The following HHAT variants were observed in gnomAD, a reference collection of about 807,000 sequenced individuals.
HHAT encodes hedgehog acyltransferase.
Under a neutral mutation model 70.8 loss-of-function variants are expected in HHAT, and 47 were observed. The ratio of observed to expected loss-of-function variants is 0.66; its 90% CI spans 0.53 to 0.85. The LOEUF (loss-of-function observed/expected upper bound fraction) is 0.85. Ranked by LOEUF, HHAT falls within the 40% of genes least tolerant of loss-of-function variation. The probability of loss-of-function intolerance (pLI) is 0.00; values close to 1 mark genes in which losing one functional copy is unlikely to be tolerated. For missense variants in HHAT, 609 were observed against 604.8 expected (o/e 1.01, Z -0.07); for synonymous variants, 228 against 247.6 (o/e 0.92, Z 0.74).
intron 7 of HHAT, among the ~76,000 whole-genome samples, chr1:210,418,968 G>A (rs1336654982): frequency 5.3e-5 from 8 of 152,148 alleles, no homozygotes. Context: ...GGGAGGCGGA[G>A]GTTGCAGTAA....
chr1:210,615,427 T>G (rs1258426430), intron 10 of HHAT, among the ~76,000 whole-genome samples: 1 of 152,236 alleles, frequency 6.6e-6, no homozygotes, highest in Non-Finnish European at 1.5e-5. Flanking sequence ...TGAAGCCTTC[T>G]TCTCTCAACT....
chr1:210,648,471 G>C (rs375982769), intron 11 of HHAT, among the ~76,000 whole-genome samples: 25 of 152,326 alleles, frequency 1.6e-4, no homozygotes, highest in Admixed American at 5.9e-4. Context: ...CAGTGATGGA[G>C]ACAAGGTTCT....
chr1:210,430,902 A>C (rs901633194), intron 7 of HHAT, among the ~76,000 whole-genome samples: 1 of 151,664 alleles, frequency 6.6e-6, no homozygotes, highest in African/African-American at 2.4e-5. Context: ...TTCCTTGCAT[A>C]TTCTTTCAAG....
chr1:210,447,144 T>C (rs892675685), intron 7 of HHAT, among the ~76,000 whole-genome samples: 22 of 152,280 alleles, frequency 1.4e-4, no homozygotes, highest in African/African-American at 4.6e-4. Flanking sequence ...TTCTGTGACG[T>C]TGGGAAAACC....
At chr1:210,613,359 T>G (rs1057132934) in intron 10 of HHAT, among the ~76,000 whole-genome samples, 2 of 152,222 alleles carry the variant, frequency 1.3e-5, no homozygotes, top group African/African-American at 4.8e-5. Context: ...TTGGAAAGAC[T>G]GTTCTTTCCT....
intron 1 of HHAT, among the ~76,000 whole-genome samples, chr1:210,336,694 G>A (rs1367151042): frequency 6.6e-6 from 1 of 152,136 alleles, no homozygotes; most frequent in African/African-American, 2.4e-5. Flanking sequence ...TAAGGCAGGA[G>A]GATCTCTTGA....
rs759726893 is a variant in HHAT, at chr1:210,404,683, G to C, written c.684+4G>C. Reference sequence around the variant, plus strand: ...CTTCTCGGAGTTCATCAAACAGGTAGAGCCCGCTGGGGATGGGATTGGGAT... The same window carrying C: ...CTTCTCGGAGTTCATCAAACAGGTACAGCCCGCTGGGGATGGGATTGGGAT... On this transcript the variant is annotated splice_donor_region_variant and intron_variant, in intron 6 of 11. Coordinates refer to ENST00000261458, the MANE Select transcript of HHAT (RefSeq NM_018194.6). 1.4e-5 allele frequency: 22 copies of C among 1,608,964 alleles called. No homozygotes were observed. In the East Asian group the frequency reaches 3.8e-4, roughly 28 times the overall value.
At chr1:210,665,048 C>T (rs1374687326) in intron 11 of HHAT, among the ~76,000 whole-genome samples, 1 of 152,156 alleles carries the variant, frequency 6.6e-6, no homozygotes, top group Non-Finnish European at 1.5e-5. Context: ...CTGAGCCAGC[C>T]CATTAGTAAA....
At chr1:210,660,523 C>T (rs1173636159) in intron 11 of HHAT, among the ~76,000 whole-genome samples, 1 of 152,182 alleles carries the variant, frequency 6.6e-6, no homozygotes, top group Non-Finnish European at 1.5e-5. Flanking sequence ...CCATCCCCAT[C>T]AAGGTACCAA....
chr1:210,330,814 A>G (rs2084920322), intron 1 of HHAT, among the ~76,000 whole-genome samples: 1 of 152,104 alleles, frequency 6.6e-6, no homozygotes, highest in Admixed American at 6.5e-5. Flanking sequence ...AGCACGTTAC[A>G]TTTATTTTAT....
At position 210,366,779 on chromosome 1, in the gene HHAT, A is replaced by G. The variant is rs59616025; in HGVS notation, c.159+3860A>G. Among the ~76,000 whole-genome samples, 278 of 152,302 alleles carry G rather than the reference A, an allele frequency of 1.8e-3. 5 individuals carry two copies. The South Asian group carries it at 0.049, about 27-fold the overall frequency. On this transcript the variant is annotated intron_variant, in intron 3 of 11. Transcript: ENST00000261458. ...ACTCCCTTGGTCATGCCGATTTGCC[A>G]TTCTTACCTTTACTCATCCTGTTCC...
intron 7 of HHAT, among the ~76,000 whole-genome samples, chr1:210,449,278 C>CT (rs5780578): frequency 0.35 from 51,829 of 146,898 alleles, 9,318 homozygotes; most frequent in East Asian, 0.43. Flanking sequence ...TCATCCTCTA[C>CT]TTTTTTTTTT....
intron 7 of HHAT, among the ~76,000 whole-genome samples, chr1:210,452,555 G>A (rs975416184): frequency 1.3e-5 from 2 of 152,138 alleles, no homozygotes; most frequent in East Asian, 1.9e-4. Context: ...TGAATATTTC[G>A]GTAGTATCTC....
In HHAT at chr1:210,672,443, C is replaced by T. The variant is rs1206072932; in HGVS notation, c.1391-1845C>T. Among the ~76,000 whole-genome samples, 3 of 152,330 alleles carry T rather than the reference C, an allele frequency of 2.0e-5. No homozygotes were observed. The East Asian group carries it at 5.8e-4, about 29-fold the overall frequency. ...GGTGGTCTTCCTCTAGTAGCTGGGCCCTGTCCCTTCCCATCTGACAAACTC... is the reference window on the plus strand; with the variant it reads ...GGTGGTCTTCCTCTAGTAGCTGGGCTCTGTCCCTTCCCATCTGACAAACTC... On this transcript the variant is annotated intron_variant, in intron 11 of 11. Coordinates refer to ENST00000261458, the MANE Select transcript of HHAT (RefSeq NM_018194.6).
chr1:210,640,017 G>A (rs1672674428), intron 11 of HHAT, among the ~76,000 whole-genome samples: 1 of 152,160 alleles, frequency 6.6e-6, no homozygotes, highest in Non-Finnish European at 1.5e-5. Flanking sequence ...TACCATAATT[G>A]ATCTGTTAAT....
At chr1:210,540,274 C>A (rs1215773206) in intron 9 of HHAT, among the ~76,000 whole-genome samples, 1 of 152,218 alleles carries the variant, frequency 6.6e-6, no homozygotes, top group Non-Finnish European at 1.5e-5. Context: ...AACAGCTTTT[C>A]TCCCAGGTAG....
chr1:210,540,471 G>A (rs3067911), intron 9 of HHAT, among the ~76,000 whole-genome samples: 7 of 89,392 alleles, frequency 7.8e-5, no homozygotes, highest in South Asian at 3.9e-4. Flanking sequence ...ACACACACAC[G>A]CACACACATG....
intron 11 of HHAT, among the ~76,000 whole-genome samples, chr1:210,643,104 T>C (rs1416215111): frequency 6.6e-6 from 1 of 152,208 alleles, no homozygotes; most frequent in African/African-American, 2.4e-5. Context: ...AAAAAACCAT[T>C]GTATCCCCCA....
In HHAT at chr1:210,483,316, C is replaced by T. The variant is rs538586107; in HGVS notation, c.1007+18661C>T. Among the ~76,000 whole-genome samples the T allele has an allele frequency of 4.2e-4, 64 of 152,256 alleles. No homozygotes were observed. The South Asian group carries it at 8.5e-3, about 20-fold the overall frequency. On this transcript the variant is annotated intron_variant, in intron 8 of 11. Coordinates refer to ENST00000261458, the MANE Select transcript of HHAT (RefSeq NM_018194.6). ...AGCTAGAGAGCTAGACCATAAAGTG[C>T]GTAATTTCATGATGTGTTCTGCATT...
Sources: allele counts gnomAD v4.1 joint callset (sites outside exome capture counted in the v4.1 genomes callset), GRCh38; gene constraint gnomAD v4.1.1; transcripts MANE v1.5; gene names NCBI Gene and HGNC (gene_info 2026-07-23, HGNC 2026-07-21).